GLS: variants seen among roughly 807,000 people sequenced by gnomAD.
GLS encodes glutaminase.
Under a neutral mutation model 86.7 loss-of-function variants are expected in GLS, and 36 were observed. The observed-to-expected ratio is 0.42, with a 90% confidence interval of 0.32 to 0.55. The LOEUF (loss-of-function observed/expected upper bound fraction) is 0.55. Among genes scored for constraint, GLS ranks in the 20% least tolerant of loss-of-function variants. The probability of loss-of-function intolerance (pLI) is 0.17; values close to 1 mark genes in which losing one functional copy is unlikely to be tolerated. For synonymous variants in GLS, 317 were observed against 305.9 expected, an observed-to-expected ratio of 1.04 and a Z score of -0.38; for missense variants, 528 against 833.4, an observed-to-expected ratio of 0.63 and a Z score of 4.51.
At chr2:190,901,628 T>C (rs1688940836) in intron 4 of GLS, among the ~76,000 whole-genome samples, 1 of 151,866 alleles carries the variant, frequency 6.6e-6, no homozygotes, top group Admixed American at 6.6e-5. Context: ...ATAAATTTAC[T>C]TTTTTCCTGC....
At chr2:190,936,733 T>C (rs1055231563) in intron 14 of GLS, among the ~76,000 whole-genome samples, 2 of 151,252 alleles carry the variant, frequency 1.3e-5, no homozygotes, top group African/African-American at 4.8e-5. Flanking sequence ...TAAGGAAGGA[T>C]TGTATTTTTT....
chr2:190,917,437 C>A (rs996828606), intron 7 of GLS, among the ~76,000 whole-genome samples: 1 of 152,216 alleles, frequency 6.6e-6, no homozygotes, highest in African/African-American at 2.4e-5. Context: ...ACCCCTCAGT[C>A]ATCCATGAGG....
chr2:190,908,481 T>C (rs1689238655), intron 6 of GLS, among the ~76,000 whole-genome samples: 1 of 152,244 alleles, frequency 6.6e-6, no homozygotes. Flanking sequence ...TAAAGCATGT[T>C]CATAAATTTC....
intron 7 of GLS, among the ~76,000 whole-genome samples, chr2:190,916,235 A>AT (rs1362586792): frequency 6.6e-6 from 1 of 152,186 alleles, no homozygotes; most frequent in Non-Finnish European, 1.5e-5. Flanking sequence ...TTTTCCTTTA[A>AT]TTTTTTATTG....
chr2:190,933,150 G>GT lies in GLS; in HGVS notation c.1650+1514dup, dbSNP rs943861967. Reference sequence around the variant, plus strand: ...TTGATGTAATTAAAATGTTAACTATGTGGTCAGATAATCCCATTTTACAAT... The same window carrying GT: ...TTGATGTAATTAAAATGTTAACTATGTTGGTCAGATAATCCCATTTTACAAT... On this transcript the variant is annotated intron_variant, in intron 14 of 17. Transcript: ENST00000320717. The GT allele has an allele frequency of 5.8e-5, 50 of 857,780 alleles. No homozygotes were observed. In the African/African-American group the frequency reaches 7.8e-4, roughly 13 times the overall value. The allele number at this position is 857,780 out of a possible 1,614,324, so 53.1% of individuals were successfully genotyped here. A position where few individuals can be genotyped will look rare whatever the true frequency, so the allele number is the denominator to read the frequency against.
At chr2:190,933,492 AT>A in intron 14 of GLS, 3 of 894,108 alleles carry the variant, frequency 3.4e-6, no homozygotes, top group Non-Finnish European at 4.0e-6. Flanking sequence ...TACTTTTTTT[AT>A]TTTGCAACTC....
chr2:190,964,252 C>G lies in GLS; in HGVS notation c.*1266C>G, dbSNP rs1168837686. On this transcript the variant is annotated 3_prime_UTR_variant, in exon 18 of 18. Transcript: ENST00000320717. This position sits in a 1 kb window ranked among gnomAD's most constrained non-coding sequence, Gnocchi z 5.2. ...CAAAAAACGGATAGAACAGGATTTT[C>G]TAGGAGTTACACATACATTTTATCC... 1 of 151,992 alleles carries G rather than the reference C, an allele frequency of 6.6e-6. No individual in the cohort carries two copies. The highest frequency in any genetic ancestry group is 6.6e-5 in the Admixed American group (1 of 15,264). 9.4% of individuals were successfully genotyped at this position (151,992 alleles called of 1,614,324 possible). A position where few individuals can be genotyped will look rare whatever the true frequency, so the allele number is the denominator to read the frequency against.
In GLS at chr2:190,897,761, A is replaced by G. The variant is rs3771314; in HGVS notation, c.605+2036A>G. On this transcript the variant is annotated intron_variant, in intron 3 of 17. Transcript: ENST00000320717. The surrounding 1 kb of genome is among the most constrained non-coding windows in gnomAD (Gnocchi z 4.3). ...GCAGCTAGGGAGGAGATGTTAAAAC[A>G]TGGGATTCATTTTTCCCCAGAGAAA... Among the ~76,000 whole-genome samples, 1,128 of 152,310 alleles carry G rather than the reference A, an allele frequency of 7.4e-3. 29 individuals carry two copies. The highest frequency in any genetic ancestry group is 0.053 in the East Asian group (275 of 5,190).
intron 7 of GLS, among the ~76,000 whole-genome samples, chr2:190,916,598 T>C (rs1689542646): frequency 6.6e-6 from 1 of 152,202 alleles, no homozygotes; most frequent in Non-Finnish European, 1.5e-5. Flanking sequence ...TGACTTAAGT[T>C]AAATGCCATT....
At chr2:190,910,352 T>A in intron 7 of GLS, 31 bp downstream of exon 7, 3 of 1,298,870 alleles carry the variant, frequency 2.3e-6, no homozygotes, top group Non-Finnish European at 3.3e-6. Flanking sequence ...TTTAACCTAG[T>A]AAAACTTTTT....
rs1491245783 is a variant in GLS at position 190,880,916 on chromosome 2, CAG to C, written c.-168_-167del. On this transcript the variant is annotated 5_prime_UTR_variant, in exon 1 of 18. Transcript: ENST00000320717. ...GCAGCAGCAGCAGCAGCAGCAGCAG[CAG>C]CACCCGCATCCGCTGCGGGAGTCCG... 8.1e-5 allele frequency: 74 copies of C among 910,902 alleles called. 1 individual carries two copies. The South Asian group carries it at 8.5e-4, about 10-fold the overall frequency. 56.4% of individuals were successfully genotyped at this position (910,902 alleles called of 1,614,324 possible). A position where few individuals can be genotyped will look rare whatever the true frequency, so the allele number is the denominator to read the frequency against.
intron 6 of GLS, among the ~76,000 whole-genome samples, chr2:190,907,474 G>A (rs189356818): frequency 1.3e-5 from 2 of 149,958 alleles, no homozygotes; most frequent in African/African-American, 2.5e-5. Context: ...CAGGCTGGTC[G>A]CGAACTCCCA....
At position 190,955,301 on chromosome 2, in the gene GLS, CTGGTGTG is replaced by C. The variant is rs1374930796; in HGVS notation, c.1853+486_1853+492del. Reference sequence around the variant, plus strand: ...CCTTACCCTGACCCCCAAACAGGCCCTGGTGTGTGATGTTCCCCTCCCTGTGTCCATG... The same window carrying C: ...CCTTACCCTGACCCCCAAACAGGCCCTGATGTTCCCCTCCCTGTGTCCATG... On this transcript the variant is annotated intron_variant, in intron 17 of 17. Coordinates refer to ENST00000320717, the MANE Select transcript of GLS (RefSeq NM_014905.5). This position sits in a 1 kb window ranked among gnomAD's most constrained non-coding sequence, Gnocchi z 5.6. 1.3e-5 allele frequency among the ~76,000 whole-genome samples: 2 copies of C among 152,072 alleles called. No individual in the cohort carries two copies. Among genetic ancestry groups the C allele is most frequent in the Admixed American group, 6.5e-5 (1 of 15,270 alleles).
rs1255714281 is a variant in GLS, at chr2:190,935,066, TTTC to T, written c.1650+3432_1650+3434del. 1.1e-6 allele frequency: 1 copy of T among 938,464 alleles called. No individual in the cohort carries two copies. The highest frequency in any genetic ancestry group is 1.8e-5 in the African/African-American group (1 of 56,272). The allele number at this position is 938,464 out of a possible 1,614,324, so 58.1% of individuals were successfully genotyped here. A position where few individuals can be genotyped will look rare whatever the true frequency, so the allele number is the denominator to read the frequency against. On this transcript the variant is annotated intron_variant, in intron 14 of 17. Transcript: ENST00000320717. The surrounding 1 kb of genome is among the most constrained non-coding windows in gnomAD (Gnocchi z 4.2). ...GCATTTACAATGTAGCATATTTGAT[TTTC>T]TTTTTTCTTTCTTTTTTTGGCATCA...
In GLS at chr2:190,913,510, T is replaced by G; in HGVS notation, c.1038+3189T>G. 3.0e-6 allele frequency: 3 copies of G among 994,620 alleles called. No homozygotes were observed. Among genetic ancestry groups the G allele is most frequent in the Non-Finnish European group, 3.6e-6 (3 of 828,626 alleles). The allele number at this position is 994,620 out of a possible 1,614,324, so 61.6% of individuals were successfully genotyped here. On this transcript the variant is annotated intron_variant, in intron 7 of 17. Transcript: ENST00000320717. This position sits in a 1 kb window ranked among gnomAD's most constrained non-coding sequence, Gnocchi z 6.1. Reference sequence around the variant, plus strand: ...TACTTTTTGTTGTAATCTGTTTTATTTGGGATTGTGATAATGTGTGATTGC... The same window carrying G: ...TACTTTTTGTTGTAATCTGTTTTATGTGGGATTGTGATAATGTGTGATTGC...
At chr2:190,948,746 G>C (rs190300090) in intron 14 of GLS, among the ~76,000 whole-genome samples, 1 of 152,320 alleles carries the variant, frequency 6.6e-6, no homozygotes, top group Admixed American at 6.5e-5. Flanking sequence ...AGCAAAGGTA[G>C]ACGGAGATTA....
chr2:190,954,962 T>C lies in GLS; in HGVS notation c.1853+144T>C, dbSNP rs1265895510. The C allele has an allele frequency of 3.3e-6, 2 of 609,630 alleles. No homozygotes were observed. The highest frequency in any genetic ancestry group is 8.5e-4 in the Middle Eastern group (2 of 2,352). 37.8% of individuals were successfully genotyped at this position (609,630 alleles called of 1,614,324 possible). A position where few individuals can be genotyped will look rare whatever the true frequency, so the allele number is the denominator to read the frequency against. ...TAAAGGCAATAAACCTTGTTTCTACTAGATAGGTAATTCTGTCTCCCATAT... is the reference window on the plus strand; with the variant it reads ...TAAAGGCAATAAACCTTGTTTCTACCAGATAGGTAATTCTGTCTCCCATAT... On this transcript the variant is annotated intron_variant, in intron 17 of 17. Transcript: ENST00000320717. The surrounding 1 kb of genome is among the most constrained non-coding windows in gnomAD (Gnocchi z 4.0).
At chr2:190,932,733 G>T in intron 14 of GLS, 1 of 1,597,794 alleles carries the variant, frequency 6.3e-7, no homozygotes, top group Non-Finnish European at 8.5e-7. Context: ...TTGGACCATT[G>T]GACTATGAAA....
chr2:190,904,903 T>G, intron 5 of GLS, 101 bp from the exon 6 acceptor site: 1 of 729,682 alleles, frequency 1.4e-6, no homozygotes, highest in African/African-American at 1.8e-5. Flanking sequence ...TATGGGAAAA[T>G]TTTTGTTGGA....
Sources: gnomAD v4.1 joint callset for allele counts (sites outside exome capture counted in the v4.1 genomes callset) on GRCh38, gnomAD v4.1.1 for gene constraint, Gnocchi (gnomAD v3.1) non-coding constraint, MANE v1.5 for transcripts, NCBI Gene and HGNC (gene_info 2026-07-23, HGNC 2026-07-21) for gene names.